The following PURG variants were observed in gnomAD, a reference collection of about 807,000 sequenced individuals.
The protein encoded by PURG is purine rich element binding protein G, also known as purine-rich element-binding protein gamma.
In PURG, 3 loss-of-function variants were observed where a neutral mutation model predicts 24.3. The observed-to-expected ratio is 0.12, with a 90% CI of 0.06 to 0.32. The LOEUF (loss-of-function observed/expected upper bound fraction) is 0.32, where lower values mean the gene tolerates loss of function less well. PURG is among the 10% of genes least tolerant of loss of function. PURG has a pLI of 1.00. For missense variants in PURG, 371 were observed against 439.1 expected, an observed-to-expected ratio of 0.84 and a Z score of 1.39; for synonymous variants, 180 against 173.1, an observed-to-expected ratio of 1.04 and a Z score of -0.31.
chr8:31,021,934 A>G (rs1344305576), intron 1 of PURG, among the ~76,000 whole-genome samples: 10 of 151,012 alleles, frequency 6.6e-5, no homozygotes. Flanking sequence ...TAAAATGGTC[A>G]TGGTGAAACT....
At chr8:31,028,193 T>C (rs993418709), downstream of PURG, among the ~76,000 whole-genome samples, 2 of 151,826 alleles carry the variant, frequency 1.3e-5, no homozygotes, top group African/African-American at 2.4e-5. Flanking sequence ...ATTTTATTTA[T>C]TCTAGTTCTT....
chr8:30,996,645 T>C, exon 2 of PURG: 1 of 1,612,308 alleles, frequency 6.2e-7, no homozygotes, highest in Non-Finnish European at 8.5e-7. Context: ...ATGCTTGATT[T>C]GACAACAGTG....
At chr8:31,017,346 G>GCA (rs995751312) in intron 1 of PURG, among the ~76,000 whole-genome samples, 2 of 151,650 alleles carry the variant, frequency 1.3e-5, no homozygotes, top group Non-Finnish European at 2.9e-5. Context: ...GTAAAAAATT[G>GCA]TATATATATG....
chr8:31,032,969 T>C lies in PURG; in HGVS notation c.-7+109A>G. ...GCCGGTTGGCGGCCGCCGCTCCGGC[T>C]CTGCCCGCGCTCCCCGCATCCCTCC... is the stretch of plus-strand genomic sequence containing the variant. On this transcript the variant is annotated intron_variant, in intron 1 of 1. Coordinates refer to ENST00000523392, the MANE Select transcript of PURG (RefSeq NM_001323311.2). The surrounding 1 kb of genome is among the most constrained non-coding windows in gnomAD (Gnocchi z 5.9). 5.0e-6 allele frequency: 1 copy of C among 200,518 alleles called. No homozygotes were observed. The highest frequency in any genetic ancestry group is 8.9e-6 in the Non-Finnish European group (1 of 112,158). The allele number at this position is 200,518 out of a possible 1,614,324, so 12.4% of individuals were successfully genotyped here.
downstream of PURG, among the ~76,000 whole-genome samples, chr8:31,027,264 G>A (rs541161593): frequency 6.0e-4 from 91 of 151,818 alleles, no homozygotes; most frequent in African/African-American, 2.1e-3. Flanking sequence ...TGTCAAAGAT[G>A]TTTGGTGTTT....
At chr8:31,005,170 T>C (rs1810616773) in intron 1 of PURG, among the ~76,000 whole-genome samples, 1 of 152,182 alleles carries the variant, frequency 6.6e-6, no homozygotes, top group South Asian at 2.1e-4. Flanking sequence ...TAGTGGCTTA[T>C]GCCCATAATC....
chr8:31,014,234 C>G (rs558260615), intron 1 of PURG, among the ~76,000 whole-genome samples: 1 of 152,144 alleles, frequency 6.6e-6, no homozygotes, highest in East Asian at 1.9e-4. Context: ...TATCATTATC[C>G]AAGAGTCATG....
rs1253427275 is a variant in PURG at position 31,031,496 on chromosome 8, A to G, written c.*243T>C. The G allele has an allele frequency of 5.9e-6, 3 of 507,708 alleles. No homozygotes were observed. Among genetic ancestry groups the G allele is most frequent in the African/African-American group, 1.9e-5 (1 of 52,520 alleles). 31.5% of individuals were successfully genotyped at this position (507,708 alleles called of 1,614,324 possible). ...ATTTTGTGCTGATTTGCATACTTCA[A>G]TAGTCTGGAGCAGTTGAAGCAGCTA... On this transcript the variant is annotated 3_prime_UTR_variant, in exon 2 of 2. Coordinates refer to ENST00000523392, the MANE Select transcript of PURG (RefSeq NM_001323311.2).
chr8:31,006,454 C>T (rs779309451), intron 1 of PURG, among the ~76,000 whole-genome samples: 12 of 152,014 alleles, frequency 7.9e-5, no homozygotes, highest in African/African-American at 2.4e-4. Flanking sequence ...ATTAGCGAGG[C>T]GTGGTGGTGG....
downstream of PURG, among the ~76,000 whole-genome samples, chr8:31,028,011 TATA>T (rs1485922552): frequency 6.6e-6 from 1 of 151,726 alleles, no homozygotes; most frequent in Non-Finnish European, 1.5e-5. Flanking sequence ...TTAATTTGAG[TATA>T]ATATTATGTA....
At chr8:31,017,406 G>C (rs1325995404) in intron 1 of PURG, among the ~76,000 whole-genome samples, 2 of 123,052 alleles carry the variant, frequency 1.6e-5, no homozygotes. Flanking sequence ...CTCTCTATAA[G>C]AGATTATATA....
At chr8:30,999,609 T>G (rs1810496723) in intron 1 of PURG, among the ~76,000 whole-genome samples, 1 of 152,016 alleles carries the variant, frequency 6.6e-6, no homozygotes, top group African/African-American at 2.4e-5. Flanking sequence ...TAAAGTGGCA[T>G]TAACCTTTAT....
downstream of PURG, among the ~76,000 whole-genome samples, chr8:31,029,148 G>A (rs547736966): frequency 5.3e-5 from 8 of 151,764 alleles, no homozygotes; most frequent in Middle Eastern, 3.4e-3. Flanking sequence ...ATTTAATTAC[G>A]GCTAATGAAT....
In PURG at chr8:31,032,244, T is replaced by C. The variant is rs1178051313; in HGVS notation, c.539A>G (p.Asn180Ser). The C allele has an allele frequency of 6.2e-7, 1 of 1,614,194 alleles. No homozygotes were observed. Among genetic ancestry groups the C allele is most frequent in the Non-Finnish European group, 8.5e-7 (1 of 1,180,028 alleles). ...CTTTAGGTCTAGGTAATATTTCCTA[T>C]TGTCCCTCTCGATATAGTCTGTTTT... Reference protein sequence around the residue: ...VLKTDYIERDNRKYYLDLKEN... With the variant: ...VLKTDYIERDSRKYYLDLKEN... The change falls in exon 2 of 2, where the codon AAT (asparagine) becomes AGT (serine). Residue 180 changes from asparagine to serine, a missense_variant. Physicochemically the swap from Asn to Ser is conservative, Grantham distance 46. Transcript: ENST00000523392. This position sits in a 1 kb window ranked among gnomAD's most constrained non-coding sequence, Gnocchi z 5.9.
chr8:31,032,928 G>C lies in PURG; in HGVS notation c.-6-140C>G. Reference sequence around the variant, plus strand: ...GGCTCCCCCGGCGCCGCAGCGCGGGGCTCCAGCCACTGCCGGCCGGTTGGC... The same window carrying C: ...GGCTCCCCCGGCGCCGCAGCGCGGGCCTCCAGCCACTGCCGGCCGGTTGGC... On this transcript the variant is annotated intron_variant, in intron 1 of 1. Coordinates refer to ENST00000523392, the MANE Select transcript of PURG (RefSeq NM_001323311.2). This position sits in a 1 kb window ranked among gnomAD's most constrained non-coding sequence, Gnocchi z 5.9. 1 of 483,526 alleles carries C rather than the reference G, an allele frequency of 2.1e-6. No individual in the cohort carries two copies. Among genetic ancestry groups the C allele is most frequent in the Non-Finnish European group, 2.9e-6 (1 of 349,898 alleles). 30.0% of individuals were successfully genotyped at this position (483,526 alleles called of 1,614,324 possible).
At chr8:31,019,887 T>C (rs1585363545) in intron 1 of PURG, among the ~76,000 whole-genome samples, 1 of 151,254 alleles carries the variant, frequency 6.6e-6, no homozygotes, top group African/African-American at 2.4e-5. Flanking sequence ...AAAAGTACTG[T>C]AGGCTGGGGG....
chr8:31,015,472 T>A (rs60886822), intron 1 of PURG, among the ~76,000 whole-genome samples: 7,410 of 149,174 alleles, frequency 0.05, 232 homozygotes, highest in African/African-American at 0.091. Flanking sequence ...ATATATATTT[T>A]AAAAAAAAAA....
chr8:30,999,481 C>T (rs1810493906), intron 1 of PURG, among the ~76,000 whole-genome samples: 1 of 151,784 alleles, frequency 6.6e-6, no homozygotes, highest in African/African-American at 2.4e-5. Flanking sequence ...TTAAGTTAAA[C>T]ATTTTGTGTA....
At chr8:31,014,010 T>G (rs567464874) in intron 1 of PURG, among the ~76,000 whole-genome samples, 1 of 152,230 alleles carries the variant, frequency 6.6e-6, no homozygotes, top group African/African-American at 2.4e-5. Flanking sequence ...AAGGAGTATT[T>G]TTTCTCCCAG....
Sources: allele counts gnomAD v4.1 joint callset (sites outside exome capture counted in the v4.1 genomes callset), GRCh38; gene constraint gnomAD v4.1.1; non-coding constraint Gnocchi (gnomAD v3.1); transcripts MANE v1.5; gene names NCBI Gene and HGNC (gene_info 2026-07-23, HGNC 2026-07-21).